Variants in CDH2 observed in about 807,000 individuals in gnomAD.
CDH2 encodes the protein cadherin 2, also known as cadherin-2.
CDH2 carries 17 observed loss-of-function variants against 92.0 expected under a neutral mutation model. The observed-to-expected ratio is 0.18, with a 90% CI of 0.13 to 0.28. The LOEUF (loss-of-function observed/expected upper bound fraction) is 0.28. Among genes scored for constraint, CDH2 ranks in the 10% least tolerant of loss-of-function variants. The pLI is 1.00. For missense variants in CDH2, 862 were observed against 1,133.1 expected (o/e 0.76, Z 3.44); for synonymous variants, 419 against 415.9 (o/e 1.01, Z -0.09).
At chr18:27,972,388 T>C (rs1020343423) in intron 14 of CDH2, among the ~76,000 whole-genome samples, 59 of 152,142 alleles carry the variant, frequency 3.9e-4, no homozygotes, top group African/African-American at 1.4e-3. Flanking sequence ...ATAAAATATC[T>C]ATCATATGAC....
At chr18:27,967,400 C>A (rs2011556948) in intron 14 of CDH2, among the ~76,000 whole-genome samples, 1 of 152,124 alleles carries the variant, frequency 6.6e-6, no homozygotes, top group South Asian at 2.1e-4. Flanking sequence ...CATAAACACA[C>A]AAATGACAAC....
At chr18:28,013,208 TAA>T (rs1204745673) in intron 3 of CDH2, among the ~76,000 whole-genome samples, 1 of 152,164 alleles carries the variant, frequency 6.6e-6, no homozygotes, top group African/African-American at 2.4e-5. Context: ...ATATCATTCC[TAA>T]AAAGTCATGT....
chr18:27,983,135 C>T, intron 13 of CDH2, 52 bp from the exon 14 acceptor site: 1 of 1,433,074 alleles, frequency 7.0e-7, no homozygotes, highest in Non-Finnish European at 9.7e-7. Flanking sequence ...TAAAGCCTGG[C>T]CTATTTAGTC....
chr18:27,963,087 C>T (rs1415022348), intron 15 of CDH2, among the ~76,000 whole-genome samples: 3 of 152,026 alleles, frequency 2.0e-5, no homozygotes, highest in East Asian at 1.9e-4. Context: ...AAATCCTTCT[C>T]GGAGACAGTG....
At chr18:27,972,798 A>C (rs1455000977) in intron 14 of CDH2, among the ~76,000 whole-genome samples, 2 of 152,204 alleles carry the variant, frequency 1.3e-5, no homozygotes, top group East Asian at 3.8e-4. Flanking sequence ...CTTGCCTTAC[A>C]GAGCTTAAGG....
At chr18:28,024,059 A>G (rs2013483756) in intron 2 of CDH2, among the ~76,000 whole-genome samples, 1 of 146,820 alleles carries the variant, frequency 6.8e-6, no homozygotes, top group African/African-American at 2.5e-5. Context: ...AATCTCATAA[A>G]GAAGGATTCT....
chr18:28,037,386 T>C (rs1429869561), intron 2 of CDH2, among the ~76,000 whole-genome samples: 2 of 152,184 alleles, frequency 1.3e-5, no homozygotes, highest in Admixed American at 6.5e-5. Context: ...CTTTTAACAA[T>C]GGATTGTCAG....
chr18:28,077,084 C>T (rs17494388), intron 2 of CDH2, among the ~76,000 whole-genome samples: 2,033 of 152,176 alleles, frequency 0.013, 52 homozygotes, highest in African/African-American at 0.047. Context: ...GGGTACTAAA[C>T]AATTTTCATC....
chr18:27,960,257 G>A (rs938467996), intron 15 of CDH2, among the ~76,000 whole-genome samples: 13 of 152,124 alleles, frequency 8.5e-5, no homozygotes, highest in Non-Finnish European at 1.5e-5. Context: ...TGGGTACCAT[G>A]GGATGCCAGT....
intron 2 of CDH2, among the ~76,000 whole-genome samples, chr18:28,034,300 T>C (rs1447865100): frequency 1.3e-5 from 2 of 152,096 alleles, no homozygotes; most frequent in Non-Finnish European, 2.9e-5. Flanking sequence ...CGAGTGAATA[T>C]CACCAGTGAA....
chr18:28,132,499 G>A (rs1013411330), intron 2 of CDH2, among the ~76,000 whole-genome samples: 29 of 152,142 alleles, frequency 1.9e-4, no homozygotes, highest in Non-Finnish European at 5.9e-5. Context: ...GAGGAGAGAA[G>A]GACGGAAGGG....
chr18:28,055,647 C>T (rs754276058), intron 2 of CDH2, among the ~76,000 whole-genome samples: 1 of 151,976 alleles, frequency 6.6e-6, no homozygotes, highest in Non-Finnish European at 1.5e-5. Flanking sequence ...CTTTAATTGG[C>T]TTTAAAAAGT....
At chr18:28,148,650 G>A (rs1340540464) in intron 1 of CDH2, among the ~76,000 whole-genome samples, 2 of 152,150 alleles carry the variant, frequency 1.3e-5, no homozygotes, top group African/African-American at 4.8e-5. Flanking sequence ...GGAAGGACGA[G>A]TAGAATGAGG....
intron 2 of CDH2, among the ~76,000 whole-genome samples, chr18:28,078,831 C>T (rs1251907354): frequency 6.6e-6 from 1 of 152,198 alleles, no homozygotes; most frequent in Non-Finnish European, 1.5e-5. Flanking sequence ...GTGCTGCTCA[C>T]TCTTCCACTG....
chr18:27,992,878 G>C, intron 8 of CDH2, 38 bp from the exon 9 acceptor site: 1 of 1,525,722 alleles, frequency 6.6e-7, no homozygotes, highest in Non-Finnish European at 9.0e-7. Flanking sequence ...GGAGGGGCAT[G>C]GACCACTGAA....
In CDH2 at chr18:28,007,165, A is replaced by AAAAAAATATATATAT. The variant is rs1172779200; in HGVS notation, c.703-1173_703-1172insATATATATATTTTTT. ...ACAGAGTGAGACTCCATAAAAAAAAAATATATATATATATATATATATATA... is the reference window on the plus strand; with the variant it reads ...ACAGAGTGAGACTCCATAAAAAAAAAAAAAAATATATATATATATATATATATATATATATATATA... On this transcript the variant is annotated intron_variant, in intron 5 of 15. Coordinates refer to ENST00000269141, the MANE Select transcript of CDH2 (RefSeq NM_001792.5). Among the ~76,000 whole-genome samples, 137 of 110,426 alleles carry AAAAAAATATATATAT rather than the reference A, an allele frequency of 1.2e-3. 1 individual carries two copies. The highest frequency in any genetic ancestry group is 5.9e-3 in the African/African-American group (132 of 22,546). 72.4% of individuals were successfully genotyped at this position (110,426 alleles called of 152,430 possible).
chr18:28,008,646 A>G lies in CDH2; in HGVS notation c.702+1071T>C, dbSNP rs28365285. Among the ~76,000 whole-genome samples the G allele has an allele frequency of 1.6e-4, 25 of 152,188 alleles. 1 individual carries two copies. In the East Asian group the frequency reaches 4.8e-3, roughly 30 times the overall value. ...GCATTAGGAGAAATACCTAATGTAA[A>G]TGATGAGTTGATGGGTGCAGCACAC... is the stretch of plus-strand genomic sequence containing the variant. On this transcript the variant is annotated intron_variant, in intron 5 of 15. Coordinates refer to ENST00000269141, the MANE Select transcript of CDH2 (RefSeq NM_001792.5).
chr18:28,114,483 A>G (rs1251601719), intron 2 of CDH2, among the ~76,000 whole-genome samples: 1 of 152,140 alleles, frequency 6.6e-6, no homozygotes, highest in African/African-American at 2.4e-5. Flanking sequence ...CAATCGGAAA[A>G]AAAAGTGATT....
intron 15 of CDH2, among the ~76,000 whole-genome samples, chr18:27,961,300 A>G (rs1196769051): frequency 1.3e-5 from 2 of 151,500 alleles, no homozygotes; most frequent in Admixed American, 1.3e-4. Flanking sequence ...AAACATGAAC[A>G]AGAAATAGCG....
Sources: gnomAD v4.1 joint callset for allele counts (sites outside exome capture counted in the v4.1 genomes callset) on GRCh38, gnomAD v4.1.1 for gene constraint, MANE v1.5 for transcripts, NCBI Gene and HGNC (gene_info 2026-07-23, HGNC 2026-07-21) for gene names.